PTP4A3: variants seen among roughly 807,000 people sequenced by gnomAD.
PTP4A3 encodes the protein protein tyrosine phosphatase type IVA 3.
In PTP4A3, 9 loss-of-function variants were observed where a neutral mutation model predicts 15.2. The observed-to-expected ratio is 0.59, with a 90% CI of 0.36 to 1.03. The LOEUF (loss-of-function observed/expected upper bound fraction) is 1.03. Among genes scored for constraint, PTP4A3 ranks in the 50% least tolerant of loss-of-function variants. The probability of loss-of-function intolerance (pLI) is 0.02; values close to 1 mark genes in which losing one functional copy is unlikely to be tolerated. For synonymous variants in PTP4A3, 95 were observed against 102.0 expected, an observed-to-expected ratio of 0.93 and a Z score of 0.41; for missense variants, 234 against 252.1, an observed-to-expected ratio of 0.93 and a Z score of 0.49.
rs769195597 is a variant in PTP4A3, at chr8:141,431,111, C to T, written c.*67C>T. On this transcript the variant is annotated 3_prime_UTR_variant, in exon 6 of 6. Coordinates refer to ENST00000521578, the MANE Select transcript of PTP4A3 (RefSeq NM_032611.3). ...CCTTGGCTGGACCTGGAGGCCCTGC[C>T]CAGCCCTGCTCTGCCCAGCCCAGCA... is the stretch of plus-strand genomic sequence containing the variant. 1 of 1,505,298 alleles carries T rather than the reference C, an allele frequency of 6.6e-7. No individual in the cohort carries two copies. The highest frequency in any genetic ancestry group is 9.2e-7 in the Non-Finnish European group (1 of 1,083,758). 93.2% of individuals were successfully genotyped at this position (1,505,298 alleles called of 1,614,324 possible). A position where few individuals can be genotyped will look rare whatever the true frequency, so the allele number is the denominator to read the frequency against.
chr8:141,416,431 T>A (rs114021582), intron 1 of PTP4A3, among the ~76,000 whole-genome samples: 5,938 of 152,208 alleles, frequency 0.039, 359 homozygotes, highest in African/African-American at 0.14. Context: ...GAATGCAGTG[T>A]CTAGCCTGGT....
At chr8:141,418,011 C>A (rs979761772) in intron 1 of PTP4A3, among the ~76,000 whole-genome samples, 1 of 151,968 alleles carries the variant, frequency 6.6e-6, no homozygotes, top group African/African-American at 2.4e-5. Context: ...GGGACGCCTG[C>A]GGCGCGGGTG....
chr8:141,393,649 C>T (rs1001424418), intron 1 of PTP4A3, among the ~76,000 whole-genome samples: 1 of 152,258 alleles, frequency 6.6e-6, no homozygotes, highest in Non-Finnish European at 1.5e-5. Context: ...CAGCTGCCTG[C>T]TCCTCTCTGC....
At chr8:141,426,781 G>C (rs1453551072) in intron 3 of PTP4A3, 158 bp from the exon 4 acceptor site, 3 of 911,574 alleles carry the variant, frequency 3.3e-6, no homozygotes, top group Non-Finnish European at 3.9e-6. Flanking sequence ...CCATAGGCAA[G>C]CTGTGCCCCT....
At position 141,425,249 on chromosome 8, in the gene PTP4A3, G is replaced by A; in HGVS notation, c.198+109G>A. 1.8e-6 allele frequency: 2 copies of A among 1,140,076 alleles called. No homozygotes were observed. The highest frequency in any genetic ancestry group is 2.5e-6 in the Non-Finnish European group (2 of 796,144). 70.6% of individuals were successfully genotyped at this position (1,140,076 alleles called of 1,614,324 possible). ...TTGGTGCCCCTCCTGTGGCAGCCCT[G>A]GGCATGTCTGTGCCTGGGCCACGTG... On this transcript the variant is annotated intron_variant, in intron 3 of 5. Coordinates refer to ENST00000521578, the MANE Select transcript of PTP4A3 (RefSeq NM_032611.3). The surrounding 1 kb of genome is among the most constrained non-coding windows in gnomAD (Gnocchi z 4.2).
rs553253644 is a variant in PTP4A3 at position 141,421,972 on chromosome 8, G to C, written c.-269G>C. ...GCTTTACTTTGGTTGGGTTGGGGGG[G>C]GCGGCGGGCTGTTTTGTTCCTTTTC... On this transcript the variant is annotated 5_prime_UTR_variant, in exon 2 of 6. Transcript: ENST00000521578. The C allele has an allele frequency of 9.1e-6, 4 of 437,644 alleles. No homozygotes were observed. The highest frequency in any genetic ancestry group is 2.1e-5 in the African/African-American group (1 of 48,558). The allele number at this position is 437,644 out of a possible 1,614,324, so 27.1% of individuals were successfully genotyped here. A position where few individuals can be genotyped will look rare whatever the true frequency, so the allele number is the denominator to read the frequency against.
intron 1 of PTP4A3, among the ~76,000 whole-genome samples, chr8:141,408,373 C>G (rs1274303874): frequency 6.6e-6 from 1 of 152,232 alleles, no homozygotes; most frequent in Non-Finnish European, 1.5e-5. Context: ...AATCCCAGCA[C>G]TTTGGGAGGC....
chr8:141,397,209 G>A (rs1486407703), intron 1 of PTP4A3, among the ~76,000 whole-genome samples: 1 of 152,220 alleles, frequency 6.6e-6, no homozygotes, highest in African/African-American at 2.4e-5. Context: ...GGTGTGCAGG[G>A]CTGTGCCAAC....
Position 141,396,769 on chromosome 8 carries a change from AG to A in PTP4A3, c.-854+4686del, listed in dbSNP as rs1485666707. Among the ~76,000 whole-genome samples, 5 of 152,180 alleles carry A rather than the reference AG, an allele frequency of 3.3e-5. No homozygotes were observed. In the South Asian group the frequency reaches 8.3e-4, roughly 25 times the overall value. ...TTGGTCATGTCACCTTCTGAGTCTC[AG>A]TGTTCCCTTCTCACGTGGGACAAGA... On this transcript the variant is annotated intron_variant, in intron 1 of 5. Coordinates refer to ENST00000521578, the MANE Select transcript of PTP4A3 (RefSeq NM_032611.3).
At chr8:141,405,164 A>T (rs1018339756) in intron 1 of PTP4A3, among the ~76,000 whole-genome samples, 10 of 152,106 alleles carry the variant, frequency 6.6e-5, no homozygotes, top group African/African-American at 2.2e-4. Context: ...CCTCTCTGGG[A>T]CTGTTTAGGG....
At chr8:141,407,168 T>C (rs183844363) in intron 1 of PTP4A3, among the ~76,000 whole-genome samples, 234 of 152,376 alleles carry the variant, frequency 1.5e-3, no homozygotes, top group Admixed American at 3.0e-3. Context: ...TCTGCCTGCC[T>C]GCCCTGTGTC....
At chr8:141,407,543 C>T (rs1360878834) in intron 1 of PTP4A3, among the ~76,000 whole-genome samples, 1 of 151,928 alleles carries the variant, frequency 6.6e-6, no homozygotes, top group Admixed American at 6.6e-5. Flanking sequence ...TTGAATGTGG[C>T]CCAACACACA....
chr8:141,394,989 G>A (rs1832405739), intron 1 of PTP4A3, among the ~76,000 whole-genome samples: 1 of 152,224 alleles, frequency 6.6e-6, no homozygotes, highest in African/African-American at 2.4e-5. Context: ...CTGGAGAGAG[G>A]GGGGCCTCCC....
At chr8:141,412,588 A>G (rs1234269321) in intron 1 of PTP4A3, among the ~76,000 whole-genome samples, 1 of 152,110 alleles carries the variant, frequency 6.6e-6, no homozygotes, top group Non-Finnish European at 1.5e-5. Flanking sequence ...CTCCGTGGAG[A>G]GGCCCTGTGG....
chr8:141,412,175 T>G (rs945793970), intron 1 of PTP4A3, among the ~76,000 whole-genome samples: 1 of 152,214 alleles, frequency 6.6e-6, no homozygotes, highest in Non-Finnish European at 1.5e-5. Flanking sequence ...CTTCCTTTTC[T>G]GTGACACAGC....
At chr8:141,428,917 A>T (rs1188797771) in intron 5 of PTP4A3, among the ~76,000 whole-genome samples, 1 of 152,212 alleles carries the variant, frequency 6.6e-6, no homozygotes, top group Non-Finnish European at 1.5e-5. Context: ...CTCATACATG[A>T]CATGCACTCT....
At position 141,422,262 on chromosome 8, in the gene PTP4A3, G is replaced by T; in HGVS notation, c.22G>T (p.Ala8Ser). 1 of 1,613,082 alleles carries T rather than the reference G, an allele frequency of 6.2e-7. No individual in the cohort carries two copies. Among genetic ancestry groups the T allele is most frequent in the Non-Finnish European group, 8.5e-7 (1 of 1,180,002 alleles). Residue 8 changes from alanine (A) to serine (S), a missense_variant, in exon 2 of 6, where the codon GCC (alanine) becomes TCC (serine). Transcript: ENST00000521578. ...CGCCATGGCTCGGATGAACCGCCCG[G>T]CCCCGGTGGAGGTGAGCTACAAACA... MARMNRPAPVEVSYKHMR... is the reference protein window; with the variant it reads MARMNRPSPVEVSYKHMR...
chr8:141,425,196 C>T lies in PTP4A3; in HGVS notation c.198+56C>T, dbSNP rs535762337. ...CTGCTGCCACCGGGGGAGGGTGGGG[C>T]GGGGGGCTCCGGGCCTGCGCAGAGG... is the stretch of plus-strand genomic sequence containing the variant. On this transcript the variant is annotated intron_variant, in intron 3 of 5. Coordinates refer to ENST00000521578, the MANE Select transcript of PTP4A3 (RefSeq NM_032611.3). The surrounding 1 kb of genome is among the most constrained non-coding windows in gnomAD (Gnocchi z 4.2). 8 of 361,944 alleles carry T rather than the reference C, an allele frequency of 2.2e-5. No homozygotes were observed. Among genetic ancestry groups the T allele is most frequent in the South Asian group, 7.2e-5 (3 of 41,736 alleles). 22.4% of individuals were successfully genotyped at this position (361,944 alleles called of 1,614,324 possible). A position where few individuals can be genotyped will look rare whatever the true frequency, so the allele number is the denominator to read the frequency against.
rs185899136 is a variant in PTP4A3, at chr8:141,404,096, G to A, written c.-854+12012G>A. ...GGCCACGGCGACACGCCTGTTCACC[G>A]GATGTGCACAGCACTGGGGTATGGG... is the stretch of plus-strand genomic sequence containing the variant. On this transcript the variant is annotated intron_variant, in intron 1 of 5. Transcript: ENST00000521578. Among the ~76,000 whole-genome samples, 48 of 152,354 alleles carry A rather than the reference G, an allele frequency of 3.2e-4. No homozygotes were observed. In the East Asian group the frequency reaches 6.6e-3, roughly 21 times the overall value.
Sources: allele counts gnomAD v4.1 joint callset (sites outside exome capture counted in the v4.1 genomes callset), GRCh38; gene constraint gnomAD v4.1.1; non-coding constraint Gnocchi (gnomAD v3.1); transcripts MANE v1.5; gene names NCBI Gene and HGNC (gene_info 2026-07-23, HGNC 2026-07-21).